Variants in PEAR1 observed in about 807,000 individuals in gnomAD.
PEAR1 encodes platelet endothelial aggregation receptor 1.
In PEAR1, 113 loss-of-function variants were observed where a neutral mutation model predicts 131.2. The observed-to-expected ratio is 0.86, with a 90% CI of 0.74 to 1.01. PEAR1 has a LOEUF of 1.01. Among genes scored for constraint, PEAR1 ranks in the 50% least tolerant of loss-of-function variants. PEAR1 has a pLI of 0.00. For missense variants in PEAR1, 1,408 were observed against 1,391.1 expected, an observed-to-expected ratio of 1.01 and a Z score of -0.19; for synonymous variants, 565 against 523.3, an observed-to-expected ratio of 1.08 and a Z score of -1.09.
Position 156,904,806 on chromosome 1 carries a change from C to T in PEAR1, c.160C>T (p.Pro54Ser). ...CCCCTTCAGCCTGCTCCCCTCAGAG[C>T]CCTGCGAGCGGCCCTGGGAGGGCCC... ...SRPFSLLPSE[P>S]CERPWEGPHT... The change falls in exon 3 of 23, where the codon CCC (proline) becomes TCC (serine). Residue 54 changes from proline (P) to serine (S), a missense_variant. Physicochemically the swap from Pro to Ser is moderately conservative, Grantham distance 74. Transcript: ENST00000292357. 2.5e-6 allele frequency: 4 copies of T among 1,613,932 alleles called. No individual in the cohort carries two copies. Among genetic ancestry groups the T allele is most frequent in the Non-Finnish European group, 3.4e-6 (4 of 1,179,896 alleles).
At chr1:156,907,804 C>T in intron 7 of PEAR1, 74 bp downstream of exon 7, 1 of 1,560,442 alleles carries the variant, frequency 6.4e-7, no homozygotes, top group Non-Finnish European at 8.7e-7. Context: ...AAGCAGGGCT[C>T]CAAGGTGAGT....
rs774612556 is a variant in PEAR1, at chr1:156,913,383, C to T, written c.2512-8C>T. 6.2e-7 allele frequency: 1 copy of T among 1,613,226 alleles called. No individual in the cohort carries two copies. The highest frequency in any genetic ancestry group is 1.7e-5 in the Admixed American group (1 of 59,964). The stretch of plus-strand genomic sequence containing the variant: ...TCTTGCTCTCCCTCCTGCACTGTCC[C>T]CTCTTAGGTTCCAGGCCCGCTCTTT... On this transcript the variant is annotated splice_polypyrimidine_tract_variant and splice_region_variant and intron_variant, in intron 19 of 22. Transcript: ENST00000292357.
Position 156,906,348 on chromosome 1 carries a change from G to C in PEAR1, c.380G>C (p.Arg127Pro). 5.0e-6 allele frequency: 8 copies of C among 1,614,184 alleles called. No homozygotes were observed. The highest frequency in any genetic ancestry group is 6.8e-6 in the Non-Finnish European group (8 of 1,180,018). The change falls in exon 5 of 23, where the codon CGG becomes CCG. Residue 127 changes from arginine to proline, a missense_variant. Coordinates refer to ENST00000292357, the MANE Select transcript of PEAR1 (RefSeq NM_001080471.3). ...PNQCQCVPGWRGDDCSSECAP... is the reference protein window; with the variant it reads ...PNQCQCVPGWPGDDCSSECAP... ...CAGTGCCAATGTGTGCCAGGCTGGC[G>C]GGGCGACGACTGTTCCAGTGGTGAG... is the stretch of plus-strand genomic sequence containing the variant.
chr1:156,908,771 T>G lies in PEAR1; in HGVS notation c.1232T>G (p.Leu411Arg). 6.3e-7 allele frequency: 1 copy of G among 1,598,398 alleles called. No homozygotes were observed. The highest frequency in any genetic ancestry group is 8.5e-7 in the Non-Finnish European group (1 of 1,175,178). The change falls in exon 10 of 23, where the codon CTG becomes CGG. Residue 411 changes from leucine (L) to arginine (R), a missense_variant. Coordinates refer to ENST00000292357, the MANE Select transcript of PEAR1 (RefSeq NM_001080471.3). This position sits in a 1 kb window ranked among gnomAD's most constrained non-coding sequence, Gnocchi z 4.2. ...GGGTGCCAGGAGCACTGTCTCTGCC[T>G]GCACGGTGGCGTCTGCCAGGCTACC... ...GPGCQEHCLC[L>R]HGGVCQATSG...
At position 156,902,546 on chromosome 1, in the gene PEAR1, C is replaced by G. The variant is rs4661073; in HGVS notation, c.-9-1372C>G. Among the ~76,000 whole-genome samples the G allele has an allele frequency of 0.98, 149,676 of 152,114 alleles. 73,694 individuals carry two copies. Among genetic ancestry groups the G allele is most frequent in the Middle Eastern group, 1 (294 of 294 alleles). On this transcript the variant is annotated intron_variant, in intron 1 of 22. Transcript: ENST00000292357. The surrounding 1 kb of genome is among the most constrained non-coding windows in gnomAD (Gnocchi z 4.3). ...GGAGCCTAGACCTGGAGGGAAGGAG[C>G]GGCTGCCCTTCTTGGGGCTGAGAGT...
chr1:156,911,045 C>CTTTCTTTCTTTCTTTCTTTCTTTT (rs1558143380), intron 15 of PEAR1, among the ~76,000 whole-genome samples: 86 of 97,876 alleles, frequency 8.8e-4, no homozygotes, highest in African/African-American at 4.4e-3. Flanking sequence ...CTTTTTCTTT[C>CTTTCTTTCTTTCTTTCTTTCTTTT]TTTCTTTCTT....
intron 15 of PEAR1, among the ~76,000 whole-genome samples, chr1:156,911,072 T>A (rs1651047412): frequency 8.8e-6 from 1 of 114,000 alleles, no homozygotes; most frequent in Non-Finnish European, 1.6e-5. Context: ...TTTCTTTCTT[T>A]CTTTCTTTCT....
At position 156,912,246 on chromosome 1, in the gene PEAR1, G is replaced by C; in HGVS notation, c.1952-1G>C. The C allele has an allele frequency of 1.2e-6, 2 of 1,611,152 alleles. No homozygotes were observed. Among genetic ancestry groups the C allele is most frequent in the African/African-American group, 1.3e-5 (1 of 74,938 alleles). ...CCAGACAGGCCCCATGTCTCCCGTA[G>C]CATGCCCTCCAGGACACTGGGGAGA... On this transcript the variant is annotated splice_acceptor_variant, in intron 15 of 22. Coordinates refer to ENST00000292357, the MANE Select transcript of PEAR1 (RefSeq NM_001080471.3). LOFTEE classifies it high-confidence loss of function.
chr1:156,914,467 AAG>A (rs1407729661), intron 22 of PEAR1, among the ~76,000 whole-genome samples, 178 bp from the exon 23 acceptor site: 13 of 152,176 alleles, frequency 8.5e-5, no homozygotes, highest in African/African-American at 7.2e-5. Flanking sequence ...CTGAGAAGCT[AAG>A]AGAGTTTTGC....
intron 1 of PEAR1, among the ~76,000 whole-genome samples, chr1:156,900,431 G>A (rs1363564694): frequency 6.6e-6 from 1 of 151,824 alleles, no homozygotes; most frequent in Non-Finnish European, 1.5e-5. Context: ...GGAAAGAGTA[G>A]AATCATGGGG....
intron 15 of PEAR1, among the ~76,000 whole-genome samples, chr1:156,911,081 C>CTTTG (rs1353682595): frequency 3.8e-5 from 5 of 130,492 alleles, no homozygotes; most frequent in African/African-American, 1.6e-4. Flanking sequence ...TTCTTTCTTT[C>CTTTG]TTTCTTTCTT....
chr1:156,904,750 TCACTACCAC>T lies in PEAR1; in HGVS notation c.108_116del (p.Thr37_Thr39del), dbSNP rs751089535. 34 of 1,610,406 alleles carry T rather than the reference TCACTACCAC, an allele frequency of 2.1e-5. No individual in the cohort carries two copies. The South Asian group carries it at 3.5e-4, about 17-fold the overall frequency. Reference sequence around the variant, plus strand: ...TGACCCTGTTCCCTGTCTTGCAGCTTCACTACCACCACCAAGGAGTCCCACTCCCGCCCC... The same window carrying T: ...TGACCCTGTTCCCTGTCTTGCAGCTTCACCAAGGAGTCCCACTCCCGCCCC... On this transcript the variant is annotated inframe_deletion, in exon 3 of 23. Coordinates refer to ENST00000292357, the MANE Select transcript of PEAR1 (RefSeq NM_001080471.3).
In PEAR1 at chr1:156,913,528, G is replaced by C; in HGVS notation, c.2644+5G>C. ...CTCCAGGGCCTCTGGACAGGGGTAG[G>C]TGCCGGGAGGCCAGGGTCTCTGGCG... On this transcript the variant is annotated splice_donor_5th_base_variant and intron_variant, in intron 20 of 22. Transcript: ENST00000292357. The C allele has an allele frequency of 6.2e-7, 1 of 1,611,926 alleles. No individual in the cohort carries two copies. Among genetic ancestry groups the C allele is most frequent in the Non-Finnish European group, 8.5e-7 (1 of 1,179,842 alleles).
At position 156,914,877 on chromosome 1, in the gene PEAR1, T is replaced by A; in HGVS notation, c.*79T>A. 6.6e-7 allele frequency: 1 copy of A among 1,506,620 alleles called. No individual in the cohort carries two copies. The highest frequency in any genetic ancestry group is 9.0e-7 in the Non-Finnish European group (1 of 1,108,252). 93.3% of individuals were successfully genotyped at this position (1,506,620 alleles called of 1,614,324 possible). The stretch of plus-strand genomic sequence containing the variant: ...CTGGGGACAGAGCCTAGTGTACCCC[T>A]GCCAGGAGCAGGGAGTGGACCGGCA... On this transcript the variant is annotated 3_prime_UTR_variant, in exon 23 of 23. Coordinates refer to ENST00000292357, the MANE Select transcript of PEAR1 (RefSeq NM_001080471.3).
At position 156,912,522 on chromosome 1, in the gene PEAR1, C is replaced by T. The variant is rs1043291965; in HGVS notation, c.2109C>T (p.Asn703=). The change falls in exon 17 of 23, where the codon AAC becomes AAT. Residue 703 remains asparagine (N), a synonymous_variant. Coordinates refer to ENST00000292357, the MANE Select transcript of PEAR1 (RefSeq NM_001080471.3). ...GCCCTCTGGGGACATTTGGTGCTAACTGCTCCCAGCCATGCCAGTGTGGTC... is the reference window on the plus strand; with the variant it reads ...GCCCTCTGGGGACATTTGGTGCTAATTGCTCCCAGCCATGCCAGTGTGGTC... ...EGCPLGTFGA[N]CSQPCQCGPG... is the part of the protein sequence containing the mutation. 4 of 1,613,924 alleles carry T rather than the reference C, an allele frequency of 2.5e-6. No homozygotes were observed. The highest frequency in any genetic ancestry group is 2.2e-5 in the East Asian group (1 of 44,888).
rs376728684 is a variant in PEAR1, at chr1:156,904,765, A to G, written c.119A>G (p.Lys40Arg). ...TCTTGCAGCTTCACTACCACCACCAAGGAGTCCCACTCCCGCCCCTTCAGC... is the reference window on the plus strand; with the variant it reads ...TCTTGCAGCTTCACTACCACCACCAGGGAGTCCCACTCCCGCCCCTTCAGC... ...SFWESFTTTT[K>R]ESHSRPFSLL... Residue 40 changes from lysine (K) to arginine (R), a missense_variant, in exon 3 of 23, where the codon AAG becomes AGG. Transcript: ENST00000292357. The G allele has an allele frequency of 5.6e-6, 9 of 1,612,498 alleles. No individual in the cohort carries two copies. Among genetic ancestry groups the G allele is most frequent in the Non-Finnish European group, 7.6e-6 (9 of 1,179,512 alleles).
rs1291222912 is a variant in PEAR1 at position 156,913,231 on chromosome 1, C to A, written c.2460C>A (p.Pro820=). ...GCTACAGTCACTACTACTCCAACCCCAGCTACCACACCCTGTCGCAGTGCT... is the reference window on the plus strand; with the variant it reads ...GCTACAGTCACTACTACTCCAACCCAAGCTACCACACCCTGTCGCAGTGCT... ...PPSYSHYYSN[P]SYHTLSQCSP... Residue 820 remains proline (P), a synonymous_variant, in exon 19 of 23, where the codon CCC becomes CCA. Transcript: ENST00000292357. 1.9e-6 allele frequency: 3 copies of A among 1,613,692 alleles called. No homozygotes were observed. Among genetic ancestry groups the A allele is most frequent in the Non-Finnish European group, 2.5e-6 (3 of 1,179,906 alleles).
In PEAR1 at chr1:156,913,194, A is replaced by G. The variant is rs370507930; in HGVS notation, c.2423A>G (p.Asp808Gly). ...RLDGSEYVMPDVPPSYSHYYS... is the reference protein window; with the variant it reads ...RLDGSEYVMPGVPPSYSHYYS... ...CCCTGTGCTTGTGTCTGTCATGCAGATGTCCCTCCGAGCTACAGTCACTAC... is the reference window on the plus strand; with the variant it reads ...CCCTGTGCTTGTGTCTGTCATGCAGGTGTCCCTCCGAGCTACAGTCACTAC... Residue 808 changes from aspartate to glycine, a missense_variant and splice_region_variant, in exon 19 of 23, where the codon GAT becomes GGT. Asp to Gly is a moderately conservative substitution (Grantham distance 94). Coordinates refer to ENST00000292357, the MANE Select transcript of PEAR1 (RefSeq NM_001080471.3). The G allele has an allele frequency of 8.1e-6, 13 of 1,613,314 alleles. No individual in the cohort carries two copies. In the African/African-American group the frequency reaches 1.6e-4, roughly 20 times the overall value.
At chr1:156,911,821 AAG>A (rs1223786933) in intron 15 of PEAR1, among the ~76,000 whole-genome samples, 1 of 152,230 alleles carries the variant, frequency 6.6e-6, no homozygotes, top group Admixed American at 6.5e-5. Context: ...CATCTTGGTG[AAG>A]AGTTTTTCCA....
Sources: allele counts gnomAD v4.1 joint callset (sites outside exome capture counted in the v4.1 genomes callset), GRCh38; gene constraint gnomAD v4.1.1; non-coding constraint Gnocchi (gnomAD v3.1); transcripts MANE v1.5; gene names NCBI Gene and HGNC (gene_info 2026-07-23, HGNC 2026-07-21).